The following EDIL3 variants were observed in gnomAD, a reference collection of about 807,000 sequenced individuals.
The protein encoded by EDIL3 is EGF like and discoidin domains 3.
In EDIL3, 37 loss-of-function variants were observed where a neutral mutation model predicts 67.4. That is an observed-to-expected ratio of 0.55 (90% confidence interval 0.42 to 0.72). The LOEUF is 0.72. Ranked by LOEUF, EDIL3 falls within the 30% of genes least tolerant of loss-of-function variation. EDIL3 has a pLI of 0.00. For missense variants in EDIL3, 527 were observed against 586.3 expected (o/e 0.90, Z 1.04); for synonymous variants, 195 against 196.3 (o/e 0.99, Z 0.05).
chr5:84,124,576 T>A (rs1747833037), intron 5 of EDIL3, among the ~76,000 whole-genome samples: 1 of 151,932 alleles, frequency 6.6e-6, no homozygotes. Flanking sequence ...TAGATAATTG[T>A]GCATTAGAAA....
chr5:84,008,772 CGA>C (rs1348143066), intron 9 of EDIL3, among the ~76,000 whole-genome samples: 3 of 151,816 alleles, frequency 2.0e-5, no homozygotes, highest in Non-Finnish European at 4.4e-5. Flanking sequence ...TGCTAATGAA[CGA>C]GAGAGGGAAT....
intron 9 of EDIL3, among the ~76,000 whole-genome samples, chr5:83,969,513 G>T (rs1744754402): frequency 6.6e-6 from 1 of 151,798 alleles, no homozygotes; most frequent in South Asian, 2.1e-4. Flanking sequence ...CCAATCCCTT[G>T]TTGATGTTCA....
intron 9 of EDIL3, among the ~76,000 whole-genome samples, chr5:84,038,892 G>A (rs1188376472): frequency 1.3e-5 from 2 of 152,188 alleles, no homozygotes; most frequent in Non-Finnish European, 2.9e-5. Context: ...GAAAGAGGCA[G>A]GGAAAATAAC....
chr5:84,122,537 T>C lies in EDIL3; in HGVS notation c.469+14704A>G, dbSNP rs1009737999. On this transcript the variant is annotated intron_variant, in intron 5 of 10. Coordinates refer to ENST00000296591, the MANE Select transcript of EDIL3 (RefSeq NM_005711.5). ...GAGTATCTTTATTTCCAATTGTAAT[T>C]GAGGCAATTGAGACTCAGAGAGGTT... 3.3e-5 allele frequency among the ~76,000 whole-genome samples: 5 copies of C among 151,926 alleles called. No individual in the cohort carries two copies. The South Asian group carries it at 6.2e-4, about 19-fold the overall frequency.
intron 10 of EDIL3, among the ~76,000 whole-genome samples, chr5:83,953,394 T>TATTA (rs1278726120): frequency 2.0e-5 from 3 of 151,784 alleles, no homozygotes; most frequent in African/African-American, 7.2e-5. Context: ...GTTGAGGGCA[T>TATTA]ATTATTATTA....
intron 4 of EDIL3, among the ~76,000 whole-genome samples, chr5:84,159,674 T>C (rs1242621654): frequency 1.3e-5 from 2 of 151,970 alleles, no homozygotes; most frequent in African/African-American, 2.4e-5. Flanking sequence ...ATAAACTGTA[T>C]ATAGGAAACA....
chr5:84,172,921 C>G (rs1349624703), intron 4 of EDIL3, among the ~76,000 whole-genome samples: 1 of 152,162 alleles, frequency 6.6e-6, no homozygotes, highest in Non-Finnish European at 1.5e-5. Flanking sequence ...CTGGGCAGCT[C>G]TGTATGTAAT....
Position 84,334,176 on chromosome 5 carries a change from C to T in EDIL3, c.67+50132G>A, listed in dbSNP as rs747034779. On this transcript the variant is annotated intron_variant, in intron 1 of 10. Transcript: ENST00000296591. ...CTGCCTCCCGGGTTCAAGCGGGAGC[C>T]TTAGCCTCCTGCGTAGCTGAGATTA... Among the ~76,000 whole-genome samples, 4 of 151,580 alleles carry T rather than the reference C, an allele frequency of 2.6e-5. No homozygotes were observed. In the South Asian group the frequency reaches 8.3e-4, roughly 32 times the overall value.
intron 10 of EDIL3, among the ~76,000 whole-genome samples, chr5:83,953,021 G>A (rs1229214791): frequency 6.6e-6 from 1 of 151,710 alleles, no homozygotes; most frequent in Non-Finnish European, 1.5e-5. Context: ...GTGGCAAAGT[G>A]GAATCGTACA....
At chr5:84,107,264 T>A (rs1280761355) in intron 5 of EDIL3, among the ~76,000 whole-genome samples, 1 of 152,068 alleles carries the variant, frequency 6.6e-6, no homozygotes, top group Non-Finnish European at 1.5e-5. Context: ...TTTTTCAAAG[T>A]TATTTTTGTA....
intron 1 of EDIL3, among the ~76,000 whole-genome samples, chr5:84,383,784 G>A (rs1319846726): frequency 6.6e-6 from 1 of 152,168 alleles, no homozygotes; most frequent in Non-Finnish European, 1.5e-5. Flanking sequence ...AAAACGCCCA[G>A]CGCCGGGTCT....
At chr5:84,318,060 T>C (rs998710540) in intron 1 of EDIL3, among the ~76,000 whole-genome samples, 3 of 152,096 alleles carry the variant, frequency 2.0e-5, no homozygotes, top group African/African-American at 4.8e-5. Flanking sequence ...CCATTCACAA[T>C]TGCTATTAAG....
chr5:83,954,547 CAT>C (rs1744479207), intron 10 of EDIL3, among the ~76,000 whole-genome samples: 1 of 151,670 alleles, frequency 6.6e-6, no homozygotes, highest in African/African-American at 2.4e-5. Flanking sequence ...TGACTTCCAT[CAT>C]GAGTAAAAAA....
At chr5:84,331,155 T>A (rs540176613) in intron 1 of EDIL3, among the ~76,000 whole-genome samples, 2 of 152,356 alleles carry the variant, frequency 1.3e-5, no homozygotes, top group African/African-American at 4.8e-5. Context: ...CTTTTGATTT[T>A]ACAGGCTCAT....
chr5:83,993,324 C>CA (rs1354127501), intron 9 of EDIL3, among the ~76,000 whole-genome samples: 1 of 152,166 alleles, frequency 6.6e-6, no homozygotes, highest in Non-Finnish European at 1.5e-5. Flanking sequence ...AGACAAAAGC[C>CA]ACTGTGCCTG....
At chr5:84,176,593 G>C (rs1326551196) in intron 4 of EDIL3, among the ~76,000 whole-genome samples, 1 of 151,554 alleles carries the variant, frequency 6.6e-6, no homozygotes, top group Non-Finnish European at 1.5e-5. Context: ...TTTGTTACCA[G>C]GCAATACATA....
At chr5:84,149,986 T>C (rs1322845083) in intron 4 of EDIL3, among the ~76,000 whole-genome samples, 2 of 152,066 alleles carry the variant, frequency 1.3e-5, no homozygotes, top group East Asian at 3.9e-4. Flanking sequence ...ATAGATGTGA[T>C]TGGAGTCCTT....
At chr5:84,251,930 G>A (rs1390685368) in intron 2 of EDIL3, among the ~76,000 whole-genome samples, 1 of 152,076 alleles carries the variant, frequency 6.6e-6, no homozygotes, top group African/African-American at 2.4e-5. Flanking sequence ...TGTATGAAAT[G>A]TATAATTAAA....
chr5:84,248,927 C>T (rs2112069490), intron 2 of EDIL3, among the ~76,000 whole-genome samples: 1 of 152,108 alleles, frequency 6.6e-6, no homozygotes, highest in East Asian at 1.9e-4. Context: ...AAATTGTCCC[C>T]CTGCTGTATT....
Sources: allele counts gnomAD v4.1 joint callset (sites outside exome capture counted in the v4.1 genomes callset), GRCh38; gene constraint gnomAD v4.1.1; transcripts MANE v1.5; gene names NCBI Gene and HGNC (gene_info 2026-07-23, HGNC 2026-07-21).